BRI3BP: variants seen among roughly 807,000 people sequenced by gnomAD.
BRI3BP encodes BRI3 binding protein.
A neutral mutation model predicts 15.8 loss-of-function variants in BRI3BP; 7 were observed. The ratio of observed to expected loss-of-function variants is 0.44; its 90% CI spans 0.25 to 0.83. The LOEUF (loss-of-function observed/expected upper bound fraction) is 0.83, where lower values mean the gene tolerates loss of function less well. BRI3BP is among the 40% of genes least tolerant of loss of function. BRI3BP has a pLI of 0.20. For synonymous variants in BRI3BP, 192 were observed against 163.5 expected, an observed-to-expected ratio of 1.17 and a Z score of -1.33; for missense variants, 320 against 339.3, an observed-to-expected ratio of 0.94 and a Z score of 0.45.
chr12:125,045,607 CA>C, the BRI3BP span, among the ~76,000 whole-genome samples: 1 of 152,212 alleles, frequency 6.6e-6, no homozygotes, highest in Non-Finnish European at 1.5e-5. Flanking sequence ...GCTGGGATTA[CA>C]GGCGTGAACC....
chr12:124,995,868 C>T (rs752995714), intron 1 of BRI3BP, among the ~76,000 whole-genome samples: 38 of 152,172 alleles, frequency 2.5e-4, no homozygotes, highest in Non-Finnish European at 5.1e-4. Context: ...TGACCCCTTC[C>T]CTGTTCCCCG....
the BRI3BP span, among the ~76,000 whole-genome samples, chr12:125,046,519 C>T: frequency 6.6e-6 from 1 of 152,056 alleles, no homozygotes; most frequent in Non-Finnish European, 1.5e-5. Context: ...GAGCTGAGAT[C>T]ACACCACTGC....
chr12:125,036,680 T>C, the BRI3BP span, among the ~76,000 whole-genome samples: 1 of 152,188 alleles, frequency 6.6e-6, no homozygotes, highest in African/African-American at 2.4e-5. Flanking sequence ...AGAATGAATG[T>C]GTGCAGCCCC....
intron 1 of BRI3BP, among the ~76,000 whole-genome samples, chr12:124,996,180 C>A (rs1466860951): frequency 6.6e-6 from 1 of 152,018 alleles, no homozygotes; most frequent in Non-Finnish European, 1.5e-5. Context: ...TTCCAAAGTG[C>A]TGGGATTACA....
In BRI3BP at chr12:125,002,404, C is replaced by T. The variant is rs191782120; in HGVS notation, c.213+8401C>T. Among the ~76,000 whole-genome samples, 41 of 150,998 alleles carry T rather than the reference C, an allele frequency of 2.7e-4. No homozygotes were observed. In the East Asian group the frequency reaches 3.9e-3, roughly 14 times the overall value. On this transcript the variant is annotated intron_variant, in intron 1 of 2. Coordinates refer to ENST00000341446, the MANE Select transcript of BRI3BP (RefSeq NM_080626.6). ...TTTTAATTCTAGCCATCTTGGCAGA[C>T]GTGAAGTAGTATTGCTGTGGTTTTG...
At chr12:125,002,602 A>G (rs1030918086) in intron 1 of BRI3BP, among the ~76,000 whole-genome samples, 1 of 151,618 alleles carries the variant, frequency 6.6e-6, no homozygotes, top group Non-Finnish European at 1.5e-5. Flanking sequence ...GACTACAGGC[A>G]CCCGCCACCA....
Position 125,025,417 on chromosome 12 carries a change from C to T in BRI3BP, c.743C>T (p.Ser248Phe). 1 of 1,593,984 alleles carries T rather than the reference C, an allele frequency of 6.3e-7. No homozygotes were observed. The highest frequency in any genetic ancestry group is 1.1e-5 in the South Asian group (1 of 89,958). ...CGGGTGCTCGAGAGCCTGGACCGCTCCAAGGACAAGTGAAGGTCAGCCGGC... is the reference window on the plus strand; with the variant it reads ...CGGGTGCTCGAGAGCCTGGACCGCTTCAAGGACAAGTGAAGGTCAGCCGGC... ...LNRVLESLDR[S>F]KDK Residue 248 changes from serine (S) to phenylalanine (F), a missense_variant, in exon 3 of 3, where the codon TCC becomes TTC. Physicochemically the swap from Ser to Phe is radical, Grantham distance 155. Coordinates refer to ENST00000341446, the MANE Select transcript of BRI3BP (RefSeq NM_080626.6).
chr12:125,025,600 A>G lies in BRI3BP; in HGVS notation c.*170A>G, dbSNP rs73419937. On this transcript the variant is annotated 3_prime_UTR_variant, in exon 3 of 3. Transcript: ENST00000341446. ...CCGGCAGCTCTTAGGACACATTCCCAGAAGAGCGGAAAGATCATTGACGTG... is the reference window on the plus strand; with the variant it reads ...CCGGCAGCTCTTAGGACACATTCCCGGAAGAGCGGAAAGATCATTGACGTG... 7.6e-3 allele frequency: 4,969 copies of G among 652,484 alleles called. 188 individuals carry two copies. In the African/African-American group the frequency reaches 0.081, roughly 11 times the overall value. The allele number at this position is 652,484 out of a possible 1,614,324, so 40.4% of individuals were successfully genotyped here.
In BRI3BP at chr12:124,993,992, G is replaced by T; in HGVS notation, c.202G>T (p.Ala68Ser). The change falls in exon 1 of 3, where the codon GCC becomes TCC. Residue 68 changes from alanine to serine, a missense_variant. Physicochemically the swap from Ala to Ser is moderately conservative, Grantham distance 99. Transcript: ENST00000341446. ...SSLFGEDNVR[A>S]AQKFLARLTE... ...CCTGTTCGGCGAGGACAACGTGCGC[G>T]CCGCTCAGAAGGTGGGCGCCGGGCC... 7.4e-7 allele frequency: 1 copy of T among 1,349,300 alleles called. No homozygotes were observed. The highest frequency in any genetic ancestry group is 9.7e-7 in the Non-Finnish European group (1 of 1,035,310). 83.6% of individuals were successfully genotyped at this position (1,349,300 alleles called of 1,614,324 possible). A position where few individuals can be genotyped will look rare whatever the true frequency, so the allele number is the denominator to read the frequency against.
chr12:125,012,425 G>A (rs947179056), intron 1 of BRI3BP, 109 bp from the exon 2 acceptor site: 22 of 842,960 alleles, frequency 2.6e-5, no homozygotes, highest in Non-Finnish European at 3.8e-5. Flanking sequence ...TTCATCATGG[G>A]CTCACTATTT....
At chr12:125,037,129 T>G in the BRI3BP span, among the ~76,000 whole-genome samples, 1 of 152,206 alleles carries the variant, frequency 6.6e-6, no homozygotes, top group African/African-American at 2.4e-5. Flanking sequence ...GCACAATCTT[T>G]GCTCACTGCA....
At chr12:125,043,539 C>T in the BRI3BP span, among the ~76,000 whole-genome samples, 1 of 151,874 alleles carries the variant, frequency 6.6e-6, no homozygotes, top group African/African-American at 2.4e-5. Context: ...GAGACCTCAT[C>T]TCTGCCAATT....
At chr12:125,008,600 C>T (rs978649670) in intron 1 of BRI3BP, among the ~76,000 whole-genome samples, 2 of 151,962 alleles carry the variant, frequency 1.3e-5, no homozygotes, top group East Asian at 1.9e-4. Flanking sequence ...CATGAGCCAC[C>T]ACGCCTGGCC....
At chr12:125,006,794 A>G (rs946622160) in intron 1 of BRI3BP, among the ~76,000 whole-genome samples, 3 of 152,234 alleles carry the variant, frequency 2.0e-5, no homozygotes, top group African/African-American at 7.2e-5. Flanking sequence ...TCCTCCCAGA[A>G]TAATTGCTTC....
At chr12:125,046,566 GA>G in the BRI3BP span, among the ~76,000 whole-genome samples, 66 of 148,418 alleles carry the variant, frequency 4.4e-4, no homozygotes, top group Admixed American at 2.7e-3. Context: ...CTCCGTCTTG[GA>G]AAAAAAAAAT....
intron 1 of BRI3BP, among the ~76,000 whole-genome samples, chr12:124,997,538 C>T (rs1342873276): frequency 6.6e-6 from 1 of 151,826 alleles, no homozygotes; most frequent in African/African-American, 2.4e-5. Flanking sequence ...TTATCTGTGT[C>T]CCATTTGTTC....
chr12:125,041,551 A>G, the BRI3BP span, among the ~76,000 whole-genome samples: 2 of 152,104 alleles, frequency 1.3e-5, no homozygotes, highest in African/African-American at 4.8e-5. Flanking sequence ...ACCACATAGT[A>G]CACAATTCAA....
intron 2 of BRI3BP, among the ~76,000 whole-genome samples, chr12:125,021,977 G>A (rs1328410189): frequency 6.6e-6 from 1 of 151,718 alleles, no homozygotes; most frequent in African/African-American, 2.4e-5. Flanking sequence ...CTACTCGGGA[G>A]TCTGAGGTGG....
At chr12:125,035,131 A>T (rs7973861), downstream of BRI3BP, among the ~76,000 whole-genome samples, 1 of 152,112 alleles carries the variant, frequency 6.6e-6, no homozygotes, top group African/African-American at 2.4e-5. Context: ...GGCTATTACA[A>T]ATAAAGCGAC....
Sources: allele counts gnomAD v4.1 joint callset (sites outside exome capture counted in the v4.1 genomes callset), GRCh38; gene constraint gnomAD v4.1.1; transcripts MANE v1.5; gene names NCBI Gene and HGNC (gene_info 2026-07-23, HGNC 2026-07-21).